Variants in PRELID2 observed in about 807,000 individuals in gnomAD.
PRELID2 encodes PRELI domain containing 2, also known as PRELI domain-containing protein 2.
PRELID2 carries 25 observed loss-of-function variants against 28.4 expected under a neutral mutation model. That is an observed-to-expected ratio of 0.88 (90% CI 0.64 to 1.23). The LOEUF (loss-of-function observed/expected upper bound fraction) is 1.23. PRELID2 is among the 50% of genes most tolerant of loss of function. The pLI is 0.00. For synonymous variants in PRELID2, 76 were observed against 71.6 expected, an observed-to-expected ratio of 1.06 and a Z score of -0.31; for missense variants, 201 against 214.4, an observed-to-expected ratio of 0.94 and a Z score of 0.39.
At chr5:145,590,924 C>G (rs1753217894) in intron 1 of PRELID2, among the ~76,000 whole-genome samples, 1 of 152,058 alleles carries the variant, frequency 6.6e-6, no homozygotes, top group South Asian at 2.1e-4. Flanking sequence ...TTCATAAGAC[C>G]ACCTGATGCC....
intron 1 of PRELID2, among the ~76,000 whole-genome samples, chr5:145,612,404 T>C (rs1044953066): frequency 4.6e-5 from 7 of 152,328 alleles, no homozygotes; most frequent in Admixed American, 2.6e-4. Context: ...ATCATATTCA[T>C]AGCATATTAT....
chr5:145,825,248 A>AAC (rs1159215621), intron 1 of PRELID2, among the ~76,000 whole-genome samples: 12 of 147,798 alleles, frequency 8.1e-5, no homozygotes, highest in Non-Finnish European at 1.6e-4. Flanking sequence ...AAAAAAAAAA[A>AAC]AAAAAAAAAA....
intron 1 of PRELID2, among the ~76,000 whole-genome samples, chr5:145,654,220 A>G (rs1296884865): frequency 2.0e-5 from 3 of 152,234 alleles, no homozygotes; most frequent in Non-Finnish European, 4.4e-5. Context: ...ATCCCTGAAT[A>G]GACCAATAAC....
chr5:145,630,707 C>T (rs1476785975), intron 1 of PRELID2, among the ~76,000 whole-genome samples: 1 of 152,110 alleles, frequency 6.6e-6, no homozygotes. Context: ...ACCATGAGAC[C>T]ATGGGGAAGG....
At chr5:145,816,915 C>T (rs915911593) in intron 4 of PRELID2, among the ~76,000 whole-genome samples, 3 of 151,966 alleles carry the variant, frequency 2.0e-5, no homozygotes, top group Non-Finnish European at 4.4e-5. Flanking sequence ...AATCCTAGCA[C>T]TTTGGGAGGC....
intron 1 of PRELID2, among the ~76,000 whole-genome samples, chr5:145,737,426 T>TAA (rs1554087428): frequency 1.4e-5 from 2 of 146,398 alleles, no homozygotes. Context: ...GTTATTTATT[T>TAA]AAAAAAAAAA....
At chr5:145,445,556 G>C in the PRELID2 span, among the ~76,000 whole-genome samples, 1 of 152,022 alleles carries the variant, frequency 6.6e-6, no homozygotes, top group African/African-American at 2.4e-5. Context: ...GCTCTGTGCA[G>C]CAAAGGGAAC....
At chr5:145,433,574 A>T in the PRELID2 span, among the ~76,000 whole-genome samples, 12 of 152,128 alleles carry the variant, frequency 7.9e-5, no homozygotes, top group East Asian at 1.9e-4. Context: ...TTCTTTCCAC[A>T]GTCCTAGAAT....
chr5:145,711,737 G>A (rs116113935), intron 1 of PRELID2, among the ~76,000 whole-genome samples: 1 of 151,492 alleles, frequency 6.6e-6, no homozygotes, highest in Non-Finnish European at 1.5e-5. Flanking sequence ...TGTTGGGTGG[G>A]TTGGGGGGCG....
the PRELID2 span, among the ~76,000 whole-genome samples, chr5:145,259,875 G>A: frequency 6.6e-6 from 1 of 152,236 alleles, no homozygotes. Context: ...ATATGGTTTG[G>A]ATCTGTGTCA....
At chr5:145,562,999 T>C (rs1752936822) in intron 1 of PRELID2, among the ~76,000 whole-genome samples, 1 of 152,184 alleles carries the variant, frequency 6.6e-6, no homozygotes, top group South Asian at 2.1e-4. Flanking sequence ...CGTTTGCCTA[T>C]TCAGAATCCA....
intron 1 of PRELID2, among the ~76,000 whole-genome samples, chr5:145,624,648 A>G (rs1753819155): frequency 6.6e-6 from 1 of 152,218 alleles, no homozygotes; most frequent in African/African-American, 2.4e-5. Context: ...CTTTTATAAG[A>G]AAATAGAGAA....
At chr5:145,834,414 AAT>A (rs754734636) in intron 1 of PRELID2, among the ~76,000 whole-genome samples, 13 of 152,136 alleles carry the variant, frequency 8.5e-5, no homozygotes, top group Non-Finnish European at 1.8e-4. Context: ...ACAGACAATC[AAT>A]AGTTTATGTT....
chr5:145,554,742 G>C (rs1752865701), intron 1 of PRELID2, among the ~76,000 whole-genome samples: 1 of 152,168 alleles, frequency 6.6e-6, no homozygotes, highest in African/African-American at 2.4e-5. Flanking sequence ...CATTTTGTTT[G>C]ACTTTTCAAG....
At chr5:145,784,945 ATATT>A (rs372722461) in intron 5 of PRELID2, among the ~76,000 whole-genome samples, 12 of 152,280 alleles carry the variant, frequency 7.9e-5, no homozygotes, top group East Asian at 5.8e-4. Flanking sequence ...TTGAAAATGA[ATATT>A]TAGTAATTTT....
the PRELID2 span, among the ~76,000 whole-genome samples, chr5:145,301,115 C>T: frequency 5.9e-5 from 9 of 152,182 alleles, no homozygotes; most frequent in African/African-American, 2.2e-4. Context: ...CCACTAGCAA[C>T]ATTTGTGAGG....
At chr5:145,261,688 ACAGAAGCCCTTGAG>A in the PRELID2 span, among the ~76,000 whole-genome samples, 1 of 152,196 alleles carries the variant, frequency 6.6e-6, no homozygotes, top group Admixed American at 6.5e-5. Context: ...AAGAATCTGA[ACAGAAGCCCTTGAG>A]CCCCTGATCT....
the PRELID2 span, among the ~76,000 whole-genome samples, chr5:145,292,925 T>G: frequency 6.6e-6 from 1 of 152,126 alleles, no homozygotes; most frequent in African/African-American, 2.4e-5. Flanking sequence ...CTCATTTTGT[T>G]GCCTAGGCCA....
intron 4 of PRELID2, among the ~76,000 whole-genome samples, chr5:145,809,099 C>T (rs961883629): frequency 1.5e-5 from 2 of 137,294 alleles, no homozygotes; most frequent in African/African-American, 5.6e-5. Flanking sequence ...TGCAGTGGTG[C>T]GATCTGGGTT....
Sources: gnomAD v4.1 joint callset for allele counts (sites outside exome capture counted in the v4.1 genomes callset) on GRCh38, gnomAD v4.1.1 for gene constraint, MANE v1.5 for transcripts, NCBI Gene and HGNC (gene_info 2026-07-23, HGNC 2026-07-21) for gene names.